Variants in SQOR observed in about 807,000 individuals in gnomAD.
SQOR encodes sulfide quinone oxidoreductase, also known as sulfide:quinone oxidoreductase, mitochondrial.
SQOR carries 39 observed loss-of-function variants against 48.6 expected under a neutral mutation model. That is an observed-to-expected ratio of 0.80 (90% CI 0.62 to 1.05). SQOR has a LOEUF of 1.05. SQOR is among the 50% of genes least tolerant of loss of function. SQOR has a pLI of 0.00. For missense variants in SQOR, 561 were observed against 559.9 expected (o/e 1.00, Z -0.02); for synonymous variants, 220 against 206.2 (o/e 1.07, Z -0.57).
rs190637341 is a variant in SQOR at position 45,662,021 on chromosome 15, C to T, written c.301C>T (p.Arg101Cys). 94 of 1,614,196 alleles carry T rather than the reference C, an allele frequency of 5.8e-5. No individual in the cohort carries two copies. The highest frequency in any genetic ancestry group is 1.6e-4 in the Middle Eastern group (1 of 6,062). ...AGAKQLSSSGRPTASVIPSGV... is the reference protein window; with the variant it reads ...AGAKQLSSSGCPTASVIPSGV... ...TGCCAAACAATTGTCCTCATCTGGT[C>T]GTCCCACGGCAAGTGTGATTCCATC... is the stretch of plus-strand genomic sequence containing the variant. The change falls in exon 3 of 10, where the codon CGT becomes TGT. Residue 101 changes from arginine to cysteine, a missense_variant. By Grantham distance (180) the Arg-to-Cys change is radical (BLOSUM62 -3). Coordinates refer to ENST00000260324, the MANE Select transcript of SQOR (RefSeq NM_021199.4).
At chr15:45,647,581 C>T (rs923455283) in intron 1 of SQOR, among the ~76,000 whole-genome samples, 24 of 151,408 alleles carry the variant, frequency 1.6e-4, no homozygotes, top group African/African-American at 5.8e-4. Context: ...CCCGCCTTGG[C>T]CTCCCAAAGT....
chr15:45,669,850 C>G (rs1889906795), intron 3 of SQOR, 78 bp from the exon 4 acceptor site: 2 of 1,240,204 alleles, frequency 1.6e-6, no homozygotes, highest in South Asian at 2.4e-5. Flanking sequence ...CACATGGAAC[C>G]ACATCTGGGG....
At chr15:45,637,538 C>T (rs1180726754) in intron 1 of SQOR, among the ~76,000 whole-genome samples, 2 of 152,120 alleles carry the variant, frequency 1.3e-5, no homozygotes, top group Admixed American at 6.5e-5. Context: ...ATTAAGGAGA[C>T]AGCTGGTGGT....
At chr15:45,657,963 A>G (rs1037753710) in intron 1 of SQOR, among the ~76,000 whole-genome samples, 1 of 152,080 alleles carries the variant, frequency 6.6e-6, no homozygotes, top group Non-Finnish European at 1.5e-5. Flanking sequence ...TTACAAGTAG[A>G]TGGAGTCCTG....
intron 7 of SQOR, among the ~76,000 whole-genome samples, chr15:45,686,934 T>C (rs1890235519): frequency 6.6e-6 from 1 of 152,168 alleles, no homozygotes; most frequent in Admixed American, 6.5e-5. Context: ...CTCAGCCTCC[T>C]GAGTAGCTGG....
At chr15:45,651,068 C>G (rs562658917) in intron 1 of SQOR, among the ~76,000 whole-genome samples, 5 of 152,270 alleles carry the variant, frequency 3.3e-5, no homozygotes, top group African/African-American at 1.2e-4. Context: ...CAGGGGGCGG[C>G]GCCCATCAGG....
At chr15:45,631,476 G>A (rs1295092354), upstream of SQOR, 2 of 152,180 alleles carry the variant, frequency 1.3e-5, no homozygotes, top group South Asian at 2.1e-4. Flanking sequence ...GCTAGGGAGG[G>A]TTTGCTGGGG....
At chr15:45,665,190 T>C (rs1452777071) in intron 3 of SQOR, among the ~76,000 whole-genome samples, 2 of 152,242 alleles carry the variant, frequency 1.3e-5, no homozygotes, top group African/African-American at 4.8e-5. Flanking sequence ...TTCTCACTGC[T>C]GAGTCCTACC....
intron 6 of SQOR, among the ~76,000 whole-genome samples, chr15:45,677,732 G>A (rs1316780501): frequency 5.3e-5 from 8 of 152,104 alleles, no homozygotes; most frequent in African/African-American, 1.2e-4. Flanking sequence ...ACGAAGTCTC[G>A]CTGTGTTACC....
intron 3 of SQOR, among the ~76,000 whole-genome samples, chr15:45,668,913 T>A (rs1009742136): frequency 1.3e-5 from 2 of 152,074 alleles, no homozygotes; most frequent in African/African-American, 4.8e-5. Context: ...ATGCTACTTA[T>A]GCATACAATA....
At chr15:45,684,612 CT>C (rs1234258294) in intron 7 of SQOR, among the ~76,000 whole-genome samples, 2 of 120,622 alleles carry the variant, frequency 1.7e-5, no homozygotes, top group South Asian at 2.5e-4. Context: ...CTCTCTCTCT[CT>C]TTTTTTTTCA....
At chr15:45,642,306 G>A (rs1459127149) in intron 1 of SQOR, among the ~76,000 whole-genome samples, 1 of 152,168 alleles carries the variant, frequency 6.6e-6, no homozygotes, top group African/African-American at 2.4e-5. Flanking sequence ...CCTTGTGCAT[G>A]GTGGAGAAGA....
intron 3 of SQOR, among the ~76,000 whole-genome samples, chr15:45,666,390 C>T (rs1169966610): frequency 6.6e-6 from 1 of 152,084 alleles, no homozygotes; most frequent in African/African-American, 2.4e-5. Context: ...GTTTTATGCC[C>T]AGGACCTAGC....
chr15:45,643,110 A>G (rs1311758394), intron 1 of SQOR, among the ~76,000 whole-genome samples: 1 of 152,178 alleles, frequency 6.6e-6, no homozygotes, highest in Admixed American at 6.5e-5. Context: ...TAGCTAAAAG[A>G]GTGGGAGGGG....
chr15:45,657,514 G>T (rs1889632703), intron 1 of SQOR, among the ~76,000 whole-genome samples: 1 of 152,100 alleles, frequency 6.6e-6, no homozygotes, highest in African/African-American at 2.4e-5. Context: ...TACTTACCGT[G>T]GGCCTCCAAA....
intron 2 of SQOR, among the ~76,000 whole-genome samples, chr15:45,661,616 T>A (rs1188097781): frequency 6.6e-6 from 1 of 152,214 alleles, no homozygotes; most frequent in East Asian, 1.9e-4. Flanking sequence ...TTTGTTCACA[T>A]GAAGTATCCA....
intron 1 of SQOR, among the ~76,000 whole-genome samples, chr15:45,651,881 C>T (rs191566914): frequency 6.6e-6 from 1 of 151,988 alleles, no homozygotes; most frequent in African/African-American, 2.4e-5. Flanking sequence ...CCTTCTCCTT[C>T]TTCTTCTTCT....
intron 5 of SQOR, among the ~76,000 whole-genome samples, chr15:45,675,399 A>ATTT (rs201693476): frequency 1.4e-5 from 2 of 144,444 alleles, no homozygotes; most frequent in African/African-American, 2.5e-5. Flanking sequence ...TAGTTTGTTT[A>ATTT]TTTTTTTTTT....
At chr15:45,670,011 C>A in intron 4 of SQOR, 30 bp downstream of exon 4, 1 of 1,605,720 alleles carries the variant, frequency 6.2e-7, no homozygotes, top group Non-Finnish European at 8.5e-7. Flanking sequence ...CTGTGTTACG[C>A]TGGCTTATCT....
Sources: gnomAD v4.1 joint callset for allele counts (sites outside exome capture counted in the v4.1 genomes callset) on GRCh38, gnomAD v4.1.1 for gene constraint, MANE v1.5 for transcripts, NCBI Gene and HGNC (gene_info 2026-07-23, HGNC 2026-07-21) for gene names.